CTNNA3: variants seen among roughly 807,000 people sequenced by gnomAD.
CTNNA3 encodes the protein catenin alpha 3.
Under a neutral mutation model 95.7 loss-of-function variants are expected in CTNNA3, and 76 were observed. The ratio of observed to expected loss-of-function variants is 0.79; its 90% confidence interval spans 0.66 to 0.96. CTNNA3 has a LOEUF of 0.96. Among genes scored for constraint, CTNNA3 ranks in the 40% least tolerant of loss-of-function variants. The probability of loss-of-function intolerance (pLI) is 0.00; values close to 1 mark genes in which losing one functional copy is unlikely to be tolerated. For synonymous variants in CTNNA3, 431 were observed against 374.4 expected, an observed-to-expected ratio of 1.15 and a Z score of -1.74; for missense variants, 1,191 against 1,089.8, an observed-to-expected ratio of 1.09 and a Z score of -1.31.
intron 7 of CTNNA3, among the ~76,000 whole-genome samples, chr10:66,967,151 AT>A (rs1337762209): frequency 1.3e-5 from 2 of 151,922 alleles, no homozygotes; most frequent in Non-Finnish European, 2.9e-5. Context: ...AAAATAGACT[AT>A]TTTTCTGGAA....
chr10:66,744,089 C>G (rs1199707895), intron 9 of CTNNA3, among the ~76,000 whole-genome samples: 1 of 150,646 alleles, frequency 6.6e-6, no homozygotes, highest in South Asian at 2.1e-4. Context: ...AAGAAACTGA[C>G]TACTATGACA....
chr10:67,168,063 G>T (rs1227980310), intron 7 of CTNNA3, among the ~76,000 whole-genome samples: 1 of 152,136 alleles, frequency 6.6e-6, no homozygotes, highest in East Asian at 1.9e-4. Context: ...CTTGAACTGG[G>T]GGCCAGGGAT....
At chr10:66,511,347 C>T (rs961442380) in intron 11 of CTNNA3, among the ~76,000 whole-genome samples, 1 of 151,412 alleles carries the variant, frequency 6.6e-6, no homozygotes, top group Non-Finnish European at 1.5e-5. Context: ...CTTTTGTTTG[C>T]TTTTTTGCCT....
At chr10:67,223,754 T>A (rs903921792) in intron 5 of CTNNA3, among the ~76,000 whole-genome samples, 2 of 152,226 alleles carry the variant, frequency 1.3e-5, no homozygotes, top group Non-Finnish European at 1.5e-5. Context: ...GCCTCTCCTA[T>A]GCTGAGCCTC....
In CTNNA3 at chr10:66,168,787, A is replaced by G. The variant is rs182022246; in HGVS notation, c.1885-65538T>C. Among the ~76,000 whole-genome samples, 388 of 152,316 alleles carry G rather than the reference A, an allele frequency of 2.5e-3. 2 individuals carry two copies. The highest frequency in any genetic ancestry group is 9.0e-3 in the African/African-American group (374 of 41,586). On this transcript the variant is annotated intron_variant, in intron 13 of 17. Coordinates refer to ENST00000433211, the MANE Select transcript of CTNNA3 (RefSeq NM_013266.4). ...TCATAGAACTAATGCTCTCTACCAT[A>G]TAATCAATATCTAGACTAGCAATTG...
rs541945371 is a variant in CTNNA3, at chr10:67,417,072, A to T, written c.579+104770T>A. ...GTGCCCATCAATGGTAGATTGGATA[A>T]AGAAAAAATAGTACATATACACCAT... is the stretch of plus-strand genomic sequence containing the variant. On this transcript the variant is annotated intron_variant, in intron 5 of 17. Coordinates refer to ENST00000433211, the MANE Select transcript of CTNNA3 (RefSeq NM_013266.4). Among the ~76,000 whole-genome samples, 4 of 152,222 alleles carry T rather than the reference A, an allele frequency of 2.6e-5. No homozygotes were observed. In the South Asian group the frequency reaches 8.3e-4, roughly 31 times the overall value.
chr10:67,524,130 G>A (rs7092402), intron 4 of CTNNA3, among the ~76,000 whole-genome samples: 30,120 of 151,978 alleles, frequency 0.2, 4,963 homozygotes, highest in African/African-American at 0.46. Flanking sequence ...ATAGCCGGGC[G>A]CGGTGGCTCA....
intron 9 of CTNNA3, among the ~76,000 whole-genome samples, chr10:66,706,643 T>G (rs1486831376): frequency 6.6e-6 from 1 of 152,064 alleles, no homozygotes; most frequent in African/African-American, 2.4e-5. Context: ...AGCTTGCTTT[T>G]TAGGCTATTG....
chr10:66,341,068 T>C (rs1213405739), intron 12 of CTNNA3, among the ~76,000 whole-genome samples: 1 of 151,916 alleles, frequency 6.6e-6, no homozygotes, highest in Non-Finnish European at 1.5e-5. Flanking sequence ...CCATGAACTA[T>C]CATCATCCTA....
At chr10:67,476,029 A>T (rs373911367) in intron 5 of CTNNA3, among the ~76,000 whole-genome samples, 72 of 152,346 alleles carry the variant, frequency 4.7e-4, no homozygotes, top group African/African-American at 1.7e-3. Context: ...AGAGGATTGT[A>T]ATCATTATAT....
At chr10:67,534,440 A>G (rs895669618) in intron 4 of CTNNA3, among the ~76,000 whole-genome samples, 1 of 152,180 alleles carries the variant, frequency 6.6e-6, no homozygotes, top group African/African-American at 2.4e-5. Flanking sequence ...CTGCATTCCA[A>G]TGAACATAAT....
chr10:67,333,931 T>C (rs1239133664), intron 5 of CTNNA3, among the ~76,000 whole-genome samples: 1 of 152,204 alleles, frequency 6.6e-6, no homozygotes, highest in African/African-American at 2.4e-5. Context: ...TCATGGGTGA[T>C]TTGCTAAGTC....
chr10:66,952,434 A>C (rs1019552475), intron 7 of CTNNA3, among the ~76,000 whole-genome samples: 13 of 152,194 alleles, frequency 8.5e-5, no homozygotes, highest in African/African-American at 3.1e-4. Context: ...TAAATTTTTT[A>C]AGCTACGAAG....
rs563311738 is a variant in CTNNA3, at chr10:67,717,248, G to A, written c.-2+46186C>T. 3.9e-5 allele frequency among the ~76,000 whole-genome samples: 6 copies of A among 152,106 alleles called. No individual in the cohort carries two copies. In the East Asian group the frequency reaches 1.2e-3, roughly 29 times the overall value. On this transcript the variant is annotated intron_variant, in intron 1 of 17. Coordinates refer to the CTNNA3 transcript ENST00000684154. ...TGTCAGATGGATAGATTGCAAAAAT[G>A]TTCTCCTATTCTGTAGGTTGCCTCT...
chr10:66,361,882 C>T (rs2092678899), intron 12 of CTNNA3, among the ~76,000 whole-genome samples: 1 of 151,818 alleles, frequency 6.6e-6, no homozygotes, highest in African/African-American at 2.4e-5. Context: ...CATCATTAAC[C>T]TTTATCATCC....
At chr10:67,312,542 A>C (rs984453190) in intron 5 of CTNNA3, among the ~76,000 whole-genome samples, 5 of 152,222 alleles carry the variant, frequency 3.3e-5, no homozygotes, top group Non-Finnish European at 5.9e-5. Context: ...AGTTCAGTGC[A>C]TCAAGGGAAT....
chr10:67,639,940 C>A (rs1037681676), intron 2 of CTNNA3, among the ~76,000 whole-genome samples: 12 of 152,166 alleles, frequency 7.9e-5, no homozygotes, highest in Non-Finnish European at 1.5e-4. Flanking sequence ...CATTTGAAAA[C>A]TGGCACAAGT....
At chr10:67,356,123 A>G (rs1842798868) in intron 5 of CTNNA3, among the ~76,000 whole-genome samples, 1 of 152,034 alleles carries the variant, frequency 6.6e-6, no homozygotes, top group Non-Finnish European at 1.5e-5. Flanking sequence ...TCCCAAGTTC[A>G]GAGCCCATTA....
At chr10:65,932,655 T>C (rs2077273029) in intron 17 of CTNNA3, among the ~76,000 whole-genome samples, 1 of 152,148 alleles carries the variant, frequency 6.6e-6, no homozygotes, top group Admixed American at 6.6e-5. Context: ...AGGAAATATT[T>C]TGTAGCTCAT....
Sources: gnomAD v4.1 joint callset for allele counts (sites outside exome capture counted in the v4.1 genomes callset) on GRCh38, gnomAD v4.1.1 for gene constraint, MANE v1.5 for transcripts, NCBI Gene and HGNC (gene_info 2026-07-23, HGNC 2026-07-21) for gene names.